The following SCOC variants were observed in gnomAD, a reference collection of about 807,000 sequenced individuals.
SCOC encodes short coiled coil protein.
A neutral mutation model predicts 9.9 loss-of-function variants in SCOC; 7 were observed. That is an observed-to-expected ratio of 0.71 (90% CI 0.40 to 1.33). SCOC has a LOEUF of 1.33. Among genes scored for constraint, SCOC ranks in the 40% most tolerant of loss-of-function variants. The pLI is 0.01. For synonymous variants in SCOC, 19 were observed against 28.2 expected (o/e 0.67, Z 1.03); for missense variants, 66 against 89.7 (o/e 0.74, Z 1.07).
chr4:140,261,006 G>T (rs1445825194), intron 1 of SCOC, among the ~76,000 whole-genome samples: 1 of 152,104 alleles, frequency 6.6e-6, no homozygotes, highest in Non-Finnish European at 1.5e-5. Flanking sequence ...TGAACTCGAT[G>T]TTCAACACAT....
chr4:140,380,881 A>T, intron 3 of SCOC, 81 bp from the exon 4 acceptor site: 1 of 1,118,128 alleles, frequency 8.9e-7, no homozygotes, highest in Non-Finnish European at 1.2e-6. Context: ...TATTTCTTTT[A>T]AGAATGAATC....
At chr4:140,348,973 C>T (rs950570603) in intron 2 of SCOC, among the ~76,000 whole-genome samples, 1 of 152,170 alleles carries the variant, frequency 6.6e-6, no homozygotes, top group African/African-American at 2.4e-5. Flanking sequence ...GTATTGAGCT[C>T]ATTTTCATAT....
chr4:140,260,368 C>T (rs1263536838), intron 1 of SCOC, among the ~76,000 whole-genome samples: 2 of 152,192 alleles, frequency 1.3e-5, no homozygotes, highest in African/African-American at 2.4e-5. Context: ...TCCAGAGTTT[C>T]GTTCCTGTGC....
chr4:140,320,242 G>T (rs956229249), intron 1 of SCOC, among the ~76,000 whole-genome samples: 5 of 152,156 alleles, frequency 3.3e-5, no homozygotes, highest in Non-Finnish European at 7.3e-5. Context: ...CCAGCACCAT[G>T]ACAGTTTACA....
chr4:140,356,156 G>A (rs1727221476), intron 2 of SCOC, among the ~76,000 whole-genome samples: 2 of 152,146 alleles, frequency 1.3e-5, no homozygotes, highest in South Asian at 2.1e-4. Context: ...AATTGTAAAC[G>A]ACACCCTTCA....
At chr4:140,361,737 G>C (rs1031645606) in intron 2 of SCOC, among the ~76,000 whole-genome samples, 1 of 152,138 alleles carries the variant, frequency 6.6e-6, no homozygotes, top group Non-Finnish European at 1.5e-5. Flanking sequence ...TTAATACCTT[G>C]AAACGTAAAG....
intron 2 of SCOC, among the ~76,000 whole-genome samples, chr4:140,354,655 T>G (rs1727131740): frequency 6.6e-6 from 1 of 152,064 alleles, no homozygotes; most frequent in Admixed American, 6.6e-5. Flanking sequence ...GACAAATTCG[T>G]AACTAATTGA....
At chr4:140,328,034 T>C (rs1181630558) in intron 1 of SCOC, among the ~76,000 whole-genome samples, 3 of 152,224 alleles carry the variant, frequency 2.0e-5, no homozygotes, top group Non-Finnish European at 4.4e-5. Context: ...ACCAGCCACG[T>C]AGTCCTTGGG....
chr4:140,365,855 T>C (rs1727770515), intron 2 of SCOC, among the ~76,000 whole-genome samples: 1 of 152,258 alleles, frequency 6.6e-6, no homozygotes, highest in Non-Finnish European at 1.5e-5. Context: ...TGACTGTTTA[T>C]GTTATTGGTA....
intron 1 of SCOC, among the ~76,000 whole-genome samples, chr4:140,333,302 T>C (rs567553702): frequency 8.5e-5 from 13 of 152,232 alleles, no homozygotes; most frequent in African/African-American, 2.6e-4. Flanking sequence ...TTCATAGCAC[T>C]TCTCTCCTCT....
At chr4:140,358,130 T>TTGA (rs1325496231) in intron 2 of SCOC, among the ~76,000 whole-genome samples, 1 of 152,208 alleles carries the variant, frequency 6.6e-6, no homozygotes, top group Non-Finnish European at 1.5e-5. Context: ...CCCTATTGTA[T>TTGA]TGATGGCTTA....
intron 1 of SCOC, among the ~76,000 whole-genome samples, chr4:140,304,683 G>A (rs1731913403): frequency 6.6e-6 from 1 of 152,128 alleles, no homozygotes; most frequent in Admixed American, 6.6e-5. Context: ...ACTTTGGGGA[G>A]ACTCTTAGCT....
At chr4:140,307,040 G>C (rs1434110890) in intron 1 of SCOC, among the ~76,000 whole-genome samples, 1 of 152,114 alleles carries the variant, frequency 6.6e-6, no homozygotes, top group Non-Finnish European at 1.5e-5. Flanking sequence ...AATGGGGTCT[G>C]TGCTCTTATA....
chr4:140,267,896 C>T (rs568640705), intron 1 of SCOC, among the ~76,000 whole-genome samples: 1 of 152,138 alleles, frequency 6.6e-6, no homozygotes, highest in Non-Finnish European at 1.5e-5. Flanking sequence ...AGATCCCGAC[C>T]GATACACTGG....
intron 1 of SCOC, among the ~76,000 whole-genome samples, chr4:140,274,125 T>C (rs112947155): frequency 2.9e-3 from 437 of 152,366 alleles, no homozygotes; most frequent in African/African-American, 9.6e-3. Context: ...ATTCCTAAGC[T>C]ACTATGTATC....
In SCOC at chr4:140,379,566, C is replaced by T. The variant is rs758810901; in HGVS notation, c.23-3C>T. ...ATAGTAAATTTGAACCTTTATATTA[C>T]AGCAGTTGATGCTGAAAATCAAGTG... On this transcript the variant is annotated splice_region_variant and splice_polypyrimidine_tract_variant and intron_variant, in intron 2 of 3. Coordinates refer to ENST00000608372, the MANE Select transcript of SCOC (RefSeq NM_001153484.2). 7.5e-6 allele frequency: 12 copies of T among 1,606,442 alleles called. No homozygotes were observed. The East Asian group carries it at 1.1e-4, about 15-fold the overall frequency.
intron 1 of SCOC, among the ~76,000 whole-genome samples, chr4:140,326,353 A>C (rs1006393985): frequency 6.6e-6 from 1 of 152,172 alleles, no homozygotes; most frequent in African/African-American, 2.4e-5. Flanking sequence ...AAAAAAATCA[A>C]CGAGGATGTT....
chr4:140,285,251 A>G, intron 1 of SCOC: 1 of 456,758 alleles, frequency 2.2e-6, no homozygotes, highest in South Asian at 1.5e-5. Context: ...ATATCCTTGT[A>G]ATCAGGAGCA....
chr4:140,373,518 G>T (rs539903607), upstream of SCOC: 167 of 1,551,602 alleles, frequency 1.1e-4, 1 homozygote, highest in South Asian at 8.4e-4. Flanking sequence ...TTGGACGACT[G>T]GGGTGAGGCG....
Sources: gnomAD v4.1 joint callset for allele counts (sites outside exome capture counted in the v4.1 genomes callset) on GRCh38, gnomAD v4.1.1 for gene constraint, MANE v1.5 for transcripts, NCBI Gene and HGNC (gene_info 2026-07-23, HGNC 2026-07-21) for gene names.